The following LARS2 variants were observed in gnomAD, a reference collection of about 807,000 sequenced individuals.
LARS2 encodes the protein leucine--tRNA ligase, mitochondrial.
A neutral mutation model predicts 116.6 loss-of-function variants in LARS2; 81 were observed. That is an observed-to-expected ratio of 0.69 (90% CI 0.58 to 0.84). The LOEUF (loss-of-function observed/expected upper bound fraction) is 0.84, where lower values mean the gene tolerates loss of function less well. LARS2 is among the 40% of genes least tolerant of loss of function. LARS2 has a pLI of 0.00. For synonymous variants in LARS2, 396 were observed against 407.2 expected (o/e 0.97, Z 0.33); for missense variants, 968 against 1,114.5 (o/e 0.87, Z 1.87).
chr3:45,546,046 C>A (rs564563007), intron 21 of LARS2, among the ~76,000 whole-genome samples: 9 of 152,086 alleles, frequency 5.9e-5, no homozygotes, highest in Non-Finnish European at 1.0e-4. Context: ...CACATGAGAG[C>A]ACCATGCTCC....
intron 20 of LARS2, among the ~76,000 whole-genome samples, chr3:45,528,429 T>A (rs1373128930): frequency 6.6e-6 from 1 of 152,236 alleles, no homozygotes; most frequent in Non-Finnish European, 1.5e-5. Context: ...TGTTTTGTCA[T>A]GTCTCTTTAT....
intron 4 of LARS2, among the ~76,000 whole-genome samples, chr3:45,400,674 A>C (rs1167743184): frequency 6.6e-6 from 1 of 152,226 alleles, no homozygotes; most frequent in Non-Finnish European, 1.5e-5. Context: ...GGAGATACTC[A>C]CCCATGAGTA....
intron 8 of LARS2, among the ~76,000 whole-genome samples, chr3:45,459,585 C>A (rs1331802552): frequency 6.6e-6 from 1 of 152,200 alleles, no homozygotes; most frequent in Non-Finnish European, 1.5e-5. Context: ...CAAAACCAAT[C>A]ATTGAAAGCA....
At chr3:45,536,152 C>G (rs183547711) in intron 20 of LARS2, among the ~76,000 whole-genome samples, 114 of 9,390 alleles carry the variant, frequency 0.012, 2 homozygotes, top group Admixed American at 0.064. Flanking sequence ...GACAGGGTCT[C>G]ACTCTGTTGC....
chr3:45,527,011 A>G (rs1015146632), intron 20 of LARS2, among the ~76,000 whole-genome samples: 3 of 152,156 alleles, frequency 2.0e-5, no homozygotes, highest in African/African-American at 7.2e-5. Context: ...TAGAGACACA[A>G]GTGGGTCTCA....
chr3:45,502,172 T>G (rs1700132627), intron 15 of LARS2, among the ~76,000 whole-genome samples: 2 of 152,092 alleles, frequency 1.3e-5, no homozygotes, highest in Admixed American at 6.6e-5. Context: ...TTTATCATGT[T>G]TCATAGGTTT....
rs140896357 is a variant in LARS2, at chr3:45,462,272, C to T, written c.750+3386C>T. Among the ~76,000 whole-genome samples, 243 of 152,106 alleles carry T rather than the reference C, an allele frequency of 1.6e-3. 1 individual carries two copies. The highest frequency in any genetic ancestry group is 5.3e-3 in the African/African-American group (219 of 41,468). The stretch of plus-strand genomic sequence containing the variant: ...AGATGGTTGCTGCAGCTCCAGACAT[C>T]GTGTCTCCATTCAGAACAGGAAGAA... On this transcript the variant is annotated intron_variant, in intron 8 of 21. Transcript: ENST00000645846.
chr3:45,406,388 C>T (rs1482405110), intron 4 of LARS2, among the ~76,000 whole-genome samples: 1 of 152,184 alleles, frequency 6.6e-6, no homozygotes, highest in Non-Finnish European at 1.5e-5. Flanking sequence ...GATGTAAGTG[C>T]TCTCCCAGAT....
At chr3:45,472,924 G>T (rs1317906473) in intron 8 of LARS2, among the ~76,000 whole-genome samples, 2 of 152,218 alleles carry the variant, frequency 1.3e-5, no homozygotes, top group Non-Finnish European at 2.9e-5. Flanking sequence ...TTCTGCAAAG[G>T]TTATTACTTC....
intron 15 of LARS2, among the ~76,000 whole-genome samples, chr3:45,508,002 G>A (rs17578530): frequency 0.023 from 3,534 of 152,128 alleles, 97 homozygotes; most frequent in Admixed American, 0.039. Flanking sequence ...GCACATTAGA[G>A]CGTGGGAACA....
At chr3:45,521,259 C>T (rs180943523) in intron 19 of LARS2, among the ~76,000 whole-genome samples, 2 of 152,246 alleles carry the variant, frequency 1.3e-5, no homozygotes, top group Admixed American at 1.3e-4. Flanking sequence ...GAGCCAAGAT[C>T]ACGCCACTGC....
chr3:45,493,908 C>T (rs1484915761), intron 13 of LARS2, among the ~76,000 whole-genome samples: 1 of 152,088 alleles, frequency 6.6e-6, no homozygotes, highest in Non-Finnish European at 1.5e-5. Flanking sequence ...GCATTTTCTC[C>T]CTCACTTGGA....
chr3:45,449,707 A>C (rs1205214349), intron 7 of LARS2, among the ~76,000 whole-genome samples: 2 of 152,210 alleles, frequency 1.3e-5, no homozygotes. Flanking sequence ...AAACATTGCT[A>C]TTAGCATTCT....
At chr3:45,526,161 G>A (rs1471563556) in intron 20 of LARS2, among the ~76,000 whole-genome samples, 1 of 152,136 alleles carries the variant, frequency 6.6e-6, no homozygotes, top group East Asian at 1.9e-4. Context: ...AATCTTTAAG[G>A]GAGACAATTT....
At chr3:45,458,690 A>G in intron 7 of LARS2, 53 bp from the exon 8 acceptor site, 4 of 1,601,116 alleles carry the variant, frequency 2.5e-6, no homozygotes, top group Non-Finnish European at 3.4e-6. Context: ...CCCTGTCAAA[A>G]AAAAAAAAGA....
chr3:45,485,656 T>C, intron 10 of LARS2, 36 bp from the exon 11 acceptor site: 1 of 1,228,056 alleles, frequency 8.1e-7, no homozygotes, highest in Non-Finnish European at 1.2e-6. Context: ...GTGTCTCAGT[T>C]GAGTGGCATC....
At position 45,417,559 on chromosome 3, in the gene LARS2, A is replaced by G. The variant is rs1339786996; in HGVS notation, c.441A>G (p.Gln147=). 4 of 1,613,598 alleles carry G rather than the reference A, an allele frequency of 2.5e-6. No homozygotes were observed. Among genetic ancestry groups the G allele is most frequent in the Non-Finnish European group, 3.4e-6 (4 of 1,179,610 alleles). The change falls in exon 5 of 22, where the codon CAA becomes CAG. Residue 147 remains glutamine, a synonymous_variant. Transcript: ENST00000645846. ...CAGTCGAGAGGAATCTACATCCACA[A>G]AGTTGGACACAAAGGTAAGTGTTTA... is the stretch of plus-strand genomic sequence containing the variant. ...NAAVERNLHP[Q]SWTQSNIKHM...
chr3:45,518,105 T>G (rs1475362860), intron 18 of LARS2, 33 bp downstream of exon 18: 6 of 1,564,342 alleles, frequency 3.8e-6, no homozygotes, highest in Non-Finnish European at 5.2e-6. Flanking sequence ...GGGTTAACTC[T>G]GTAACCAAGC....
intron 6 of LARS2, among the ~76,000 whole-genome samples, chr3:45,428,118 G>GC (rs1302661861): frequency 6.6e-6 from 1 of 151,730 alleles, no homozygotes; most frequent in African/African-American, 2.4e-5. Flanking sequence ...ACCACGCCTG[G>GC]CCACTGCCTT....
Sources: gnomAD v4.1 joint callset for allele counts (sites outside exome capture counted in the v4.1 genomes callset) on GRCh38, gnomAD v4.1.1 for gene constraint, MANE v1.5 for transcripts, NCBI Gene and HGNC (gene_info 2026-07-23, HGNC 2026-07-21) for gene names.